MARVELD2: variants seen among roughly 807,000 people sequenced by gnomAD.
The protein encoded by MARVELD2 is MARVEL domain containing 2, also known as MARVEL domain-containing protein 2.
In MARVELD2, 49 loss-of-function variants were observed where a neutral mutation model predicts 57.6. The ratio of observed to expected loss-of-function variants is 0.85; its 90% CI spans 0.68 to 1.08. MARVELD2 has a LOEUF of 1.08. MARVELD2 is among the 50% of genes least tolerant of loss of function. MARVELD2 has a pLI of 0.00. For missense variants in MARVELD2, 606 were observed against 701.1 expected (o/e 0.86, Z 1.53); for synonymous variants, 238 against 258.8 (o/e 0.92, Z 0.77).
chr5:69,421,555 T>G (rs899898225), intron 2 of MARVELD2, among the ~76,000 whole-genome samples: 4 of 152,178 alleles, frequency 2.6e-5, no homozygotes, highest in Non-Finnish European at 4.4e-5. Context: ...CACTGACATA[T>G]GTATTTTGTT....
chr5:69,415,579 G>A (rs1285303133), intron 1 of MARVELD2: 2 of 152,248 alleles, frequency 1.3e-5, no homozygotes, highest in East Asian at 1.9e-4. Flanking sequence ...AGAGGCTGGC[G>A]CGGGGGAGAC....
At chr5:69,435,347 C>G (rs1767100197) in intron 5 of MARVELD2, among the ~76,000 whole-genome samples, 1 of 152,014 alleles carries the variant, frequency 6.6e-6, no homozygotes, top group Non-Finnish European at 1.5e-5. Context: ...ATCTCATTCA[C>G]ATATAATAAA....
At chr5:69,440,379 CAG>C (rs1561304598) in intron 5 of MARVELD2, 69 bp from the exon 6 acceptor site, 1 of 759,902 alleles carries the variant, frequency 1.3e-6, no homozygotes, top group Non-Finnish European at 2.3e-6. Context: ...TTCTAATTCT[CAG>C]TGTGCTTTGA....
At chr5:69,437,550 G>A (rs1468462714) in intron 5 of MARVELD2, among the ~76,000 whole-genome samples, 1 of 151,912 alleles carries the variant, frequency 6.6e-6, no homozygotes, top group Admixed American at 6.6e-5. Context: ...CGAGCATGGT[G>A]GTGGGCGCCT....
chr5:69,418,080 C>T (rs1766485160), intron 1 of MARVELD2, among the ~76,000 whole-genome samples: 1 of 151,980 alleles, frequency 6.6e-6, no homozygotes, highest in African/African-American at 2.4e-5. Context: ...TATGCTCTGG[C>T]CTGGGAAACA....
At chr5:69,416,823 A>T (rs531397104) in intron 1 of MARVELD2, among the ~76,000 whole-genome samples, 69 of 152,324 alleles carry the variant, frequency 4.5e-4, no homozygotes, top group Middle Eastern at 3.4e-3. Context: ...TGGCCTAGCC[A>T]GTCTTCCTGT....
chr5:69,436,500 C>G (rs1206904530), intron 5 of MARVELD2, among the ~76,000 whole-genome samples: 1 of 151,624 alleles, frequency 6.6e-6, no homozygotes, highest in Non-Finnish European at 1.5e-5. Flanking sequence ...TTGTTTCAAT[C>G]ACAGACTCTT....
intron 5 of MARVELD2, among the ~76,000 whole-genome samples, chr5:69,433,971 G>T (rs113287810): frequency 6.7e-6 from 1 of 149,980 alleles, no homozygotes; most frequent in Non-Finnish European, 1.5e-5. Flanking sequence ...AGTAAAATAC[G>T]AATTTGCCTA....
chr5:69,425,890 G>A (rs954934754), intron 3 of MARVELD2, among the ~76,000 whole-genome samples: 2 of 151,572 alleles, frequency 1.3e-5, no homozygotes, highest in Non-Finnish European at 2.9e-5. Context: ...CACCGCGGCC[G>A]GCTAATTTTT....
chr5:69,437,377 G>A (rs1280279078), intron 5 of MARVELD2, among the ~76,000 whole-genome samples: 1 of 88,908 alleles, frequency 1.1e-5, no homozygotes, highest in Non-Finnish European at 2.1e-5. Flanking sequence ...GCGAAACTCT[G>A]TCTTAAAAAA....
Position 69,441,772 on chromosome 5 carries a change from T to A in MARVELD2, c.*118T>A, listed in dbSNP as rs1767336357. 2 of 699,268 alleles carry A rather than the reference T, an allele frequency of 2.9e-6. No homozygotes were observed. The highest frequency in any genetic ancestry group is 3.4e-5 in the South Asian group (2 of 58,330). The allele number at this position is 699,268 out of a possible 1,614,324, so 43.3% of individuals were successfully genotyped here. A position where few individuals can be genotyped will look rare whatever the true frequency, so the allele number is the denominator to read the frequency against. ...ATCTCGGCTCACTGCAACCTCCACC[T>A]CCCGGGTTCAAGCAATTCTCCTGTT... On this transcript the variant is annotated 3_prime_UTR_variant, in exon 7 of 7. Coordinates refer to ENST00000325631, the MANE Select transcript of MARVELD2 (RefSeq NM_001038603.3).
intron 1 of MARVELD2, chr5:69,415,499 C>T (rs1326500663): frequency 6.6e-6 from 1 of 152,156 alleles, no homozygotes; most frequent in Non-Finnish European, 1.5e-5. Flanking sequence ...CAGCCAGAAA[C>T]GCGAAGACGA....
At chr5:69,417,751 G>A (rs566039384) in intron 1 of MARVELD2, among the ~76,000 whole-genome samples, 34 of 152,094 alleles carry the variant, frequency 2.2e-4, no homozygotes, top group Admixed American at 3.3e-4. Context: ...AGATCATCCC[G>A]GCTAACATGG....
chr5:69,420,642 TTTTC>T (rs1304281948), intron 2 of MARVELD2, 111 bp downstream of exon 2: 2 of 1,067,642 alleles, frequency 1.9e-6, no homozygotes, highest in African/African-American at 1.6e-5. Context: ...CATAGAAATC[TTTTC>T]TTTCTTCCTT....
At position 69,419,406 on chromosome 5, in the gene MARVELD2, C is replaced by T. The variant is rs762606820; in HGVS notation, c.21C>T (p.Ser7=). 1 of 1,614,056 alleles carries T rather than the reference C, an allele frequency of 6.2e-7. No individual in the cohort carries two copies. The highest frequency in any genetic ancestry group is 1.1e-5 in the South Asian group (1 of 91,068). ...CACAAATGTCAAATGATGGAAGATC[C>T]AGGAATCGGGACAGGCGCTACGATG... MSNDGR[S]RNRDRRYDEV... Residue 7 remains serine, a synonymous_variant, in exon 2 of 7, where the codon TCC becomes TCT. Transcript: ENST00000325631.
intron 2 of MARVELD2, among the ~76,000 whole-genome samples, chr5:69,423,734 A>C (rs952118315): frequency 2.0e-4 from 30 of 152,060 alleles, no homozygotes; most frequent in Non-Finnish European, 3.8e-4. Context: ...CAGCCTCCCA[A>C]AGTGCTGGGA....
intron 5 of MARVELD2, among the ~76,000 whole-genome samples, chr5:69,435,492 G>T (rs1767105336): frequency 6.6e-6 from 1 of 151,860 alleles, no homozygotes; most frequent in Non-Finnish European, 1.5e-5. Context: ...GGTGGCTCAT[G>T]CCTGTAATCT....
intron 3 of MARVELD2, among the ~76,000 whole-genome samples, chr5:69,426,093 A>G (rs184763774): frequency 1.3e-5 from 2 of 151,962 alleles, no homozygotes; most frequent in Admixed American, 6.6e-5. Flanking sequence ...GGGAATTTCT[A>G]TTCCACAATT....
At chr5:69,416,589 T>G (rs1177395938) in intron 1 of MARVELD2, among the ~76,000 whole-genome samples, 2 of 152,198 alleles carry the variant, frequency 1.3e-5, no homozygotes, top group East Asian at 3.8e-4. Context: ...TGGGGTTTAC[T>G]TCAGAGGACT....
Sources: gnomAD v4.1 joint callset for allele counts (sites outside exome capture counted in the v4.1 genomes callset) on GRCh38, gnomAD v4.1.1 for gene constraint, MANE v1.5 for transcripts, NCBI Gene and HGNC (gene_info 2026-07-23, HGNC 2026-07-21) for gene names.